Variants in SLC25A26 observed in about 807,000 individuals in gnomAD.
SLC25A26 encodes the protein solute carrier family 25 member 26.
SLC25A26 carries 36 observed loss-of-function variants against 37.8 expected under a neutral mutation model. The observed-to-expected ratio is 0.95, with a 90% CI of 0.73 to 1.26. SLC25A26 has a LOEUF of 1.26. Among genes scored for constraint, SLC25A26 ranks in the 50% most tolerant of loss-of-function variants. The pLI, the probability that SLC25A26 is intolerant of heterozygous loss-of-function variation, is 0.00. For missense variants in SLC25A26, 390 were observed against 331.1 expected, an observed-to-expected ratio of 1.18 and a Z score of -1.38; for synonymous variants, 129 against 122.5, an observed-to-expected ratio of 1.05 and a Z score of -0.35.
At position 66,377,674 on chromosome 3, in the gene SLC25A26, C is replaced by T. The variant is rs765152248; in HGVS notation, c.708-16C>T. 1.9e-6 allele frequency: 3 copies of T among 1,595,978 alleles called. No homozygotes were observed. Among genetic ancestry groups the T allele is most frequent in the Non-Finnish European group, 2.6e-6 (3 of 1,164,096 alleles). Reference sequence around the variant, plus strand: ...TAAAATACGCACAACATTAAAAATCCTGTTTTTTCCCCTAGATTATTTGCA... The same window carrying T: ...TAAAATACGCACAACATTAAAAATCTTGTTTTTTCCCCTAGATTATTTGCA... On this transcript the variant is annotated splice_polypyrimidine_tract_variant and intron_variant, in intron 9 of 9. Transcript: ENST00000354883.
chr3:66,213,970 C>CA (rs1157147642), intron 1 of SLC25A26, among the ~76,000 whole-genome samples: 3 of 151,660 alleles, frequency 2.0e-5, no homozygotes, highest in South Asian at 2.1e-4. Context: ...TCATCTGTCT[C>CA]AAAAAAAAGT....
intron 3 of SLC25A26, among the ~76,000 whole-genome samples, chr3:66,261,287 C>T (rs992788009): frequency 6.6e-6 from 1 of 152,346 alleles, no homozygotes; most frequent in Non-Finnish European, 1.5e-5. Flanking sequence ...TACCTTGCCA[C>T]CCCTTCTCCA....
At chr3:66,177,955 A>ATTGATATT (rs1358906280) in intron 1 of SLC25A26, among the ~76,000 whole-genome samples, 3 of 152,162 alleles carry the variant, frequency 2.0e-5, no homozygotes, top group Non-Finnish European at 2.9e-5. Flanking sequence ...CGTAAATAGC[A>ATTGATATT]TTGATATTGT....
At chr3:66,316,956 T>G (rs1209276553) in intron 5 of SLC25A26, among the ~76,000 whole-genome samples, 1 of 152,218 alleles carries the variant, frequency 6.6e-6, no homozygotes, top group African/African-American at 2.4e-5. Flanking sequence ...CTCCATCAGG[T>G]CATTTATGTT....
intron 1 of SLC25A26, among the ~76,000 whole-genome samples, chr3:66,157,751 G>A (rs1023816506): frequency 6.6e-6 from 1 of 152,102 alleles, no homozygotes; most frequent in Non-Finnish European, 1.5e-5. Context: ...TCTACTACAT[G>A]CCACATGCAT....
At chr3:66,319,094 T>C (rs1038486699) in intron 5 of SLC25A26, among the ~76,000 whole-genome samples, 4 of 152,252 alleles carry the variant, frequency 2.6e-5, no homozygotes, top group African/African-American at 9.6e-5. Context: ...ACAGCCATCC[T>C]TGAGAAACTT....
chr3:66,192,407 T>C (rs1576629228), intron 1 of SLC25A26, among the ~76,000 whole-genome samples: 2 of 151,682 alleles, frequency 1.3e-5, no homozygotes, highest in East Asian at 3.9e-4. Context: ...GACAGTTACC[T>C]GTAAGCAAGG....
intron 6 of SLC25A26, among the ~76,000 whole-genome samples, chr3:66,350,920 C>T (rs2076439154): frequency 6.6e-6 from 1 of 152,018 alleles, no homozygotes; most frequent in South Asian, 2.1e-4. Context: ...CTAATGAAGG[C>T]CTTGAAGAAT....
chr3:66,223,032 C>CAGAA (rs1553659206), intron 1 of SLC25A26, among the ~76,000 whole-genome samples: 3 of 152,198 alleles, frequency 2.0e-5, no homozygotes, highest in Non-Finnish European at 2.9e-5. Flanking sequence ...TCCATCTATT[C>CAGAA]TGCCCACTGG....
rs540236618 is a variant in SLC25A26, at chr3:66,337,932, G to A, written c.454-8432G>A. Among the ~76,000 whole-genome samples the A allele has an allele frequency of 3.3e-5, 5 of 151,972 alleles. No homozygotes were observed. The East Asian group carries it at 7.7e-4, about 24-fold the overall frequency. On this transcript the variant is annotated intron_variant, in intron 5 of 9. Transcript: ENST00000354883. ...AGGTAAAATTCATATATATTGAAAT[G>A]CACAAATTATATATGTACACTTTTG...
intron 4 of SLC25A26, 112 bp downstream of exon 4, chr3:66,262,267 T>A: frequency 1.9e-6 from 1 of 515,246 alleles, no homozygotes; most frequent in Non-Finnish European, 3.4e-6. Flanking sequence ...GAGCTAAATT[T>A]AATGTCCAGT....
chr3:66,329,353 A>G (rs1316274752), intron 5 of SLC25A26, among the ~76,000 whole-genome samples: 1 of 152,210 alleles, frequency 6.6e-6, no homozygotes, highest in Admixed American at 6.5e-5. Context: ...TTAACCAAAC[A>G]CATTTAGAAA....
intron 5 of SLC25A26, among the ~76,000 whole-genome samples, chr3:66,319,682 A>C (rs187165642): frequency 6.6e-6 from 1 of 151,980 alleles, no homozygotes; most frequent in Admixed American, 6.5e-5. Context: ...AAAAAATGAT[A>C]CATCTTCATA....
At chr3:66,322,349 C>G (rs1046974650) in intron 5 of SLC25A26, among the ~76,000 whole-genome samples, 1 of 152,108 alleles carries the variant, frequency 6.6e-6, no homozygotes, top group Non-Finnish European at 1.5e-5. Flanking sequence ...CACACATTTT[C>G]TCATTAAGCA....
At chr3:66,364,770 A>AT (rs1425436906) in intron 7 of SLC25A26, among the ~76,000 whole-genome samples, 5 of 152,090 alleles carry the variant, frequency 3.3e-5, no homozygotes, top group Non-Finnish European at 5.9e-5. Context: ...AAGGAATGTC[A>AT]TATCAATAAA....
intron 1 of SLC25A26, among the ~76,000 whole-genome samples, chr3:66,226,049 C>T (rs932810934): frequency 6.6e-6 from 1 of 152,178 alleles, no homozygotes; most frequent in African/African-American, 2.4e-5. Flanking sequence ...GAAGTCGCTT[C>T]CACATTTTCA....
At chr3:66,328,403 G>T (rs751573801) in intron 5 of SLC25A26, among the ~76,000 whole-genome samples, 67 of 152,288 alleles carry the variant, frequency 4.4e-4, no homozygotes, top group African/African-American at 1.3e-3. Context: ...CTCAGAACAT[G>T]TGGTCCTAAC....
At chr3:66,165,832 G>A (rs961936651) in intron 1 of SLC25A26, among the ~76,000 whole-genome samples, 3 of 151,962 alleles carry the variant, frequency 2.0e-5, no homozygotes, top group African/African-American at 7.3e-5. Flanking sequence ...GGTTAGACAG[G>A]AGTCCAGGTG....
intron 5 of SLC25A26, among the ~76,000 whole-genome samples, chr3:66,323,197 G>A (rs2075743438): frequency 6.6e-6 from 1 of 152,100 alleles, no homozygotes; most frequent in Non-Finnish European, 1.5e-5. Flanking sequence ...CAATGGAAGG[G>A]GTGATGGAAG....
Sources: allele counts gnomAD v4.1 joint callset (sites outside exome capture counted in the v4.1 genomes callset), GRCh38; gene constraint gnomAD v4.1.1; transcripts MANE v1.5; gene names NCBI Gene and HGNC (gene_info 2026-07-23, HGNC 2026-07-21).